SPDL1: variants seen among roughly 807,000 people sequenced by gnomAD.
SPDL1 encodes the protein protein Spindly.
Under a neutral mutation model 79.5 loss-of-function variants are expected in SPDL1, and 85 were observed. That is an observed-to-expected ratio of 1.07 (90% CI 0.90 to 1.28). The LOEUF (loss-of-function observed/expected upper bound fraction) is 1.28, where lower values mean the gene tolerates loss of function less well. Ranked by LOEUF, SPDL1 falls within the 50% of genes most tolerant of loss-of-function variation. The pLI is 0.00. For missense variants in SPDL1, 703 were observed against 697.8 expected (o/e 1.01, Z -0.08); for synonymous variants, 269 against 240.3 (o/e 1.12, Z -1.10).
intron 11 of SPDL1, 121 bp from the exon 12 acceptor site, chr5:169,603,939 T>C: frequency 9.6e-7 from 1 of 1,039,500 alleles, no homozygotes; most frequent in Non-Finnish European, 1.4e-6. Context: ...AGTATTAGAG[T>C]CAACTATATT....
Position 169,594,220 on chromosome 5 carries a change from C to G in SPDL1, c.607C>G (p.Arg203Gly), listed in dbSNP as rs753781869. 3.7e-6 allele frequency: 6 copies of G among 1,613,560 alleles called. No homozygotes were observed. The highest frequency in any genetic ancestry group is 5.1e-6 in the Non-Finnish European group (6 of 1,179,682). Residue 203 changes from arginine to glycine, a missense_variant, in exon 5 of 12, where the codon CGC (arginine) becomes GGC (glycine). Coordinates refer to ENST00000265295, the MANE Select transcript of SPDL1 (RefSeq NM_017785.5). ...AGAACTTCTTATTACTAACCTAATG[C>G]GCCAGGTAGACCGGCTTAAAGAGGA... Reference protein sequence around the residue: ...QLELLITNLMRQVDRLKEEKE... With the variant: ...QLELLITNLMGQVDRLKEEKE...
chr5:169,604,021 C>G (rs747515484), intron 11 of SPDL1, 39 bp from the exon 12 acceptor site: 3 of 1,577,854 alleles, frequency 1.9e-6, no homozygotes, highest in Non-Finnish European at 2.6e-6. Flanking sequence ...TCCTTCATAA[C>G]CACATTTGAA....
intron 2 of SPDL1, chr5:169,588,849 C>G (rs1339294180): frequency 4.7e-6 from 1 of 212,278 alleles, no homozygotes; most frequent in African/African-American, 2.3e-5. Flanking sequence ...TCCTAGAAGA[C>G]CTCACTTGTT....
At chr5:169,599,978 T>C (rs11958514) in intron 10 of SPDL1, among the ~76,000 whole-genome samples, 15,064 of 152,248 alleles carry the variant, frequency 0.099, 1,250 homozygotes, top group African/African-American at 0.23. Flanking sequence ...GTCTAATGAC[T>C]GAGCTGGAAA....
chr5:169,592,214 C>CTTTTTTTTTTTTTTTTTTTTTTTT lies in SPDL1; in HGVS notation c.336+1010_336+1011insTTTTTTTTTTTTTTTTTTTTTTTT, dbSNP rs397884840. Among the ~76,000 whole-genome samples, 2 of 97,050 alleles carry CTTTTTTTTTTTTTTTTTTTTTTTT rather than the reference C, an allele frequency of 2.1e-5. 1 individual carries two copies. The allele number at this position is 97,050 out of a possible 152,430, so 63.7% of individuals were successfully genotyped here. A position where few individuals can be genotyped will look rare whatever the true frequency, so the allele number is the denominator to read the frequency against. The stretch of plus-strand genomic sequence containing the variant: ...ACATCAATGAAAGTATTTTTTTTTC[C>CTTTTTTTTTTTTTTTTTTTTTTTT]TTTTTTTTTTTTTTTTTTTTGAGGC... On this transcript the variant is annotated intron_variant, in intron 3 of 11. Coordinates refer to ENST00000265295, the MANE Select transcript of SPDL1 (RefSeq NM_017785.5).
rs1182573733 is a variant in SPDL1, at chr5:169,594,167, A to G, written c.554A>G (p.Asn185Ser). 6.2e-7 allele frequency: 1 copy of G among 1,607,880 alleles called. No homozygotes were observed. The highest frequency in any genetic ancestry group is 1.1e-5 in the South Asian group (1 of 89,254). The change falls in exon 5 of 12, where the codon AAT (asparagine) becomes AGT (serine). Residue 185 changes from asparagine to serine, a missense_variant. Asn to Ser is a conservative substitution (Grantham distance 46). Transcript: ENST00000265295. ...SMKTTLKEEV[N>S]ELQYRQEQLE... ...TAGACCACCCTCAAAGAAGAAGTGA[A>G]TGAACTACAATACAGACAAGAACAG...
chr5:169,584,137 T>C (rs1754850292), intron 1 of SPDL1: 1 of 152,208 alleles, frequency 6.6e-6, no homozygotes, highest in Non-Finnish European at 1.5e-5. Flanking sequence ...GTCCTCAAAA[T>C]TATAACCGCC....
chr5:169,603,186 A>G (rs2113401141), intron 11 of SPDL1, among the ~76,000 whole-genome samples: 1 of 152,252 alleles, frequency 6.6e-6, no homozygotes, highest in East Asian at 1.9e-4. Context: ...TTTAACTTAG[A>G]TACACAATCC....
intron 7 of SPDL1, 90 bp downstream of exon 7, chr5:169,594,771 C>T: frequency 1.3e-6 from 1 of 780,576 alleles, no homozygotes; most frequent in Non-Finnish European, 2.1e-6. Flanking sequence ...GCTTTTTCTG[C>T]AAGGAGTGTA....
intron 11 of SPDL1, among the ~76,000 whole-genome samples, chr5:169,603,040 T>A (rs1195482169): frequency 2.0e-5 from 3 of 152,136 alleles, no homozygotes; most frequent in Non-Finnish European, 4.4e-5. Flanking sequence ...GCTAATTGAC[T>A]CAAGTAGCAC....
At chr5:169,590,919 A>G in intron 2 of SPDL1, 129 bp from the exon 3 acceptor site, 1 of 833,228 alleles carries the variant, frequency 1.2e-6, no homozygotes, top group Non-Finnish European at 2.0e-6. Flanking sequence ...CAGGTTTAAC[A>G]TGTCTTCGTT....
chr5:169,585,016 C>CAAAAAAAAAAAAAAAAA lies in SPDL1; in HGVS notation c.-24+1141_-24+1142insAAAAAAAAAAAAAAAAA, dbSNP rs11415643. ...TGGGCGACAGAGCGAGACTCCGTCT[C>CAAAAAAAAAAAAAAAAA]AAAAAAAAAAAAAAGAATGTGTATA... On this transcript the variant is annotated intron_variant, in intron 1 of 11. Transcript: ENST00000265295. 4.3e-5 allele frequency among the ~76,000 whole-genome samples: 6 copies of CAAAAAAAAAAAAAAAAA among 138,288 alleles called. No individual in the cohort carries two copies. In the South Asian group the frequency reaches 1.1e-3, roughly 26 times the overall value. The allele number at this position is 138,288 out of a possible 152,430, so 90.7% of individuals were successfully genotyped here. A position where few individuals can be genotyped will look rare whatever the true frequency, so the allele number is the denominator to read the frequency against.
chr5:169,596,766 GT>G (rs1755609399), intron 8 of SPDL1, 65 bp downstream of exon 8: 3 of 1,333,504 alleles, frequency 2.2e-6, no homozygotes, highest in African/African-American at 1.6e-5. Context: ...AATTTGGTTT[GT>G]TTTTTAAGTT....
intron 1 of SPDL1, among the ~76,000 whole-genome samples, chr5:169,585,016 C>CAAAAAAAAAAAA (rs11415643): frequency 1.4e-5 from 2 of 138,268 alleles, no homozygotes; most frequent in African/African-American, 2.7e-5. Context: ...GACTCCGTCT[C>CAAAAAAAAAAAA]AAAAAAAAAA....
chr5:169,593,255 TATC>T (rs979129469), intron 3 of SPDL1, 96 bp from the exon 4 acceptor site: 9 of 1,043,678 alleles, frequency 8.6e-6, no homozygotes, highest in Non-Finnish European at 1.2e-5. Context: ...ACTCCAATAG[TATC>T]ATCATTCAGT....
Position 169,594,699 on chromosome 5 carries a change from T to A in SPDL1, c.891+18T>A. On this transcript the variant is annotated intron_variant, in intron 7 of 11. Transcript: ENST00000265295. ...GAATGAAGGTATAGAACTTTCACTA[T>A]CAAAGGTTTATTAAACAAATTTTGT... The A allele has an allele frequency of 6.4e-7, 1 of 1,573,698 alleles. No individual in the cohort carries two copies. Among genetic ancestry groups the A allele is most frequent in the Non-Finnish European group, 8.7e-7 (1 of 1,146,944 alleles).
intron 11 of SPDL1, among the ~76,000 whole-genome samples, chr5:169,602,692 A>C (rs886064330): frequency 6.6e-6 from 1 of 152,242 alleles, no homozygotes; most frequent in South Asian, 2.1e-4. Flanking sequence ...GTTAGCTGCT[A>C]TTATTATAAG....
At chr5:169,600,046 A>G (rs757973707) in intron 10 of SPDL1, among the ~76,000 whole-genome samples, 9 of 152,214 alleles carry the variant, frequency 5.9e-5, no homozygotes, top group Admixed American at 2.0e-4. Flanking sequence ...AGTTTACTGT[A>G]TGTAAATTCA....
At chr5:169,601,154 GTGAGGAGATGGTTGCATTT>G in intron 10 of SPDL1, 107 bp from the exon 11 acceptor site, 1 of 725,704 alleles carries the variant, frequency 1.4e-6, no homozygotes, top group Non-Finnish European at 2.3e-6. Context: ...ATGCATTTCA[GTGAGGAGATGGTTGCATTT>G]TAAAAGAATG....
Sources: allele counts gnomAD v4.1 joint callset (sites outside exome capture counted in the v4.1 genomes callset), GRCh38; gene constraint gnomAD v4.1.1; transcripts MANE v1.5; gene names NCBI Gene and HGNC (gene_info 2026-07-23, HGNC 2026-07-21).